Variants in SIMC1 observed in about 807,000 individuals in gnomAD.
SIMC1 encodes the protein SUMO interacting motifs containing 1, also known as SUMO-interacting motif-containing protein 1.
SIMC1 carries 55 observed loss-of-function variants against 82.3 expected under a neutral mutation model. The observed-to-expected ratio is 0.67, with a 90% CI of 0.54 to 0.84. SIMC1 has a LOEUF of 0.84. Among genes scored for constraint, SIMC1 ranks in the 40% least tolerant of loss-of-function variants. SIMC1 has a pLI of 0.00. For missense variants in SIMC1, 915 were observed against 1,107.2 expected, an observed-to-expected ratio of 0.83 and a Z score of 2.46; for synonymous variants, 353 against 426.3, an observed-to-expected ratio of 0.83 and a Z score of 2.12.
At chr5:176,305,984 G>A (rs1764351770) in intron 4 of SIMC1, among the ~76,000 whole-genome samples, 1 of 73,488 alleles carries the variant, frequency 1.4e-5, no homozygotes, top group Non-Finnish European at 3.0e-5. Flanking sequence ...GAGGGAGGTG[G>A]GGGGGTCAGC....
chr5:176,307,671 A>T lies in SIMC1; in HGVS notation c.1735-6020A>T, dbSNP rs116567533. 5.9e-3 allele frequency among the ~76,000 whole-genome samples: 900 copies of T among 152,238 alleles called. 6 individuals carry two copies. Among genetic ancestry groups the T allele is most frequent in the Admixed American group, 9.8e-3 (150 of 15,288 alleles). On this transcript the variant is annotated intron_variant, in intron 4 of 9. Transcript: ENST00000429602. ...TGCCTCGGCCTCCCAAAGTGCTGGGATTACAGGTTGTAAGCCACCACGCCT... is the reference window on the plus strand; with the variant it reads ...TGCCTCGGCCTCCCAAAGTGCTGGGTTTACAGGTTGTAAGCCACCACGCCT...
intron 6 of SIMC1, among the ~76,000 whole-genome samples, chr5:176,323,575 G>A (rs1336076298): frequency 1.3e-5 from 2 of 152,146 alleles, no homozygotes; most frequent in African/African-American, 4.8e-5. Flanking sequence ...GTAACTTGTC[G>A]AAGGTTAAAC....
At chr5:176,325,443 T>TG in intron 7 of SIMC1, among the ~76,000 whole-genome samples, 1 of 151,486 alleles carries the variant, frequency 6.6e-6, no homozygotes, top group Non-Finnish European at 1.5e-5. Context: ...CCCAGCACTT[T>TG]GGGAGACCAA....
chr5:176,274,824 G>A (rs13412076), intron 1 of SIMC1, among the ~76,000 whole-genome samples: 10,471 of 151,182 alleles, frequency 0.069, 1,245 homozygotes, highest in African/African-American at 0.24. Context: ...GTAGATAGGC[G>A]GCATTATTTC....
At chr5:176,304,757 G>C (rs1581279390) in intron 4 of SIMC1, among the ~76,000 whole-genome samples, 1 of 151,458 alleles carries the variant, frequency 6.6e-6, no homozygotes, top group Non-Finnish European at 1.5e-5. Context: ...CCTCTTCCCA[G>C]CCGCCATCCA....
chr5:176,269,749 A>T (rs996566318), intron 1 of SIMC1, among the ~76,000 whole-genome samples: 3 of 150,408 alleles, frequency 2.0e-5, no homozygotes, highest in Non-Finnish European at 4.4e-5. Flanking sequence ...AAACATGCAA[A>T]TTTTTTTTTT....
chr5:176,332,127 T>G (rs7718262), intron 7 of SIMC1, among the ~76,000 whole-genome samples: 112,029 of 152,090 alleles, frequency 0.74, 41,415 homozygotes, highest in Middle Eastern at 0.85. Flanking sequence ...CTCTTTAATA[T>G]AAGTATTGGT....
chr5:176,249,562 C>T (rs1761572162), intron 1 of SIMC1, among the ~76,000 whole-genome samples: 1 of 151,736 alleles, frequency 6.6e-6, no homozygotes, highest in South Asian at 2.1e-4. Context: ...AGCTCCTGGC[C>T]AGACATGGTG....
chr5:176,258,778 TAAATC>T (rs1456299701), intron 1 of SIMC1, among the ~76,000 whole-genome samples: 3 of 151,650 alleles, frequency 2.0e-5, no homozygotes, highest in Non-Finnish European at 2.9e-5. Context: ...ACTTGGGTCT[TAAATC>T]AAGTTCAGCT....
intron 5 of SIMC1, among the ~76,000 whole-genome samples, chr5:176,315,665 T>C (rs563576315): frequency 6.6e-6 from 1 of 152,312 alleles, no homozygotes; most frequent in East Asian, 1.9e-4. Context: ...CAGGTCAACA[T>C]GGGGCAATGA....
chr5:176,345,708 A>C lies in SIMC1; in HGVS notation c.*263A>C. ...CTATACTTTTTTGAAACAGGTTAAT[A>C]CTCTGTGCATCACATGTTTAACATT... On this transcript the variant is annotated 3_prime_UTR_variant, in exon 10 of 10. Transcript: ENST00000429602. The C allele has an allele frequency of 5.1e-6, 1 of 195,472 alleles. No individual in the cohort carries two copies. Among genetic ancestry groups the C allele is most frequent in the Non-Finnish European group, 1.0e-5 (1 of 98,040 alleles). 12.1% of individuals were successfully genotyped at this position (195,472 alleles called of 1,614,324 possible). A position where few individuals can be genotyped will look rare whatever the true frequency, so the allele number is the denominator to read the frequency against.
At chr5:176,269,070 T>C in intron 1 of SIMC1, among the ~76,000 whole-genome samples, 1 of 152,212 alleles carries the variant, frequency 6.6e-6, no homozygotes, top group East Asian at 1.9e-4. Flanking sequence ...TTAAAAATTG[T>C]GGGATGAAGC....
chr5:176,270,423 G>A (rs1476828777), intron 1 of SIMC1: 1 of 152,046 alleles, frequency 6.6e-6, no homozygotes, highest in East Asian at 1.9e-4. Flanking sequence ...AGAGCAAGAT[G>A]GCTGAATAGA....
chr5:176,248,716 C>A (rs1176355820), intron 1 of SIMC1, among the ~76,000 whole-genome samples: 1 of 152,094 alleles, frequency 6.6e-6, no homozygotes, highest in Non-Finnish European at 1.5e-5. Flanking sequence ...AGCTTTTACC[C>A]ATTCAGTATG....
chr5:176,255,721 T>A (rs1301589036), intron 1 of SIMC1, among the ~76,000 whole-genome samples: 4 of 130,816 alleles, frequency 3.1e-5, no homozygotes, highest in Non-Finnish European at 3.2e-5. Flanking sequence ...TGAGTACTCC[T>A]AAAAAAAAAA....
chr5:176,301,318 T>C (rs1285519137), intron 4 of SIMC1, among the ~76,000 whole-genome samples: 2 of 152,168 alleles, frequency 1.3e-5, no homozygotes, highest in East Asian at 3.8e-4. Context: ...CCTACTGACA[T>C]GTAAGATGTG....
intron 1 of SIMC1, among the ~76,000 whole-genome samples, chr5:176,254,684 A>G (rs1313947639): frequency 1.3e-5 from 2 of 150,972 alleles, no homozygotes; most frequent in African/African-American, 4.9e-5. Flanking sequence ...CCTTGAAGCC[A>G]GGCATTATAT....
Position 176,345,198 on chromosome 5 carries a change from C to T in SIMC1, c.2429C>T (p.Ser810Phe). ...CCTCTTGCAGAACACTTAAGGAGTT[C>T]CGTGATCGACCGAAAGGACTTAATA... Reference protein sequence around the residue: ...QHVLREHLRSSVIDRKDLIIK... With the variant: ...QHVLREHLRSFVIDRKDLIIK... The change falls in exon 10 of 10, where the codon TCC becomes TTC. Residue 810 changes from serine to phenylalanine, a missense_variant. By Grantham distance (155) the Ser-to-Phe change is radical. Around this residue, in one of 2 missense-constraint regions of SIMC1, gnomAD observed 902 missense variants for 1,040.3 expected, o/e 0.87. Coordinates refer to ENST00000429602, the MANE Select transcript of SIMC1 (RefSeq NM_001308195.2). 6.2e-7 allele frequency: 1 copy of T among 1,613,856 alleles called. No homozygotes were observed. Among genetic ancestry groups the T allele is most frequent in the Non-Finnish European group, 8.5e-7 (1 of 1,179,824 alleles).
At position 176,322,358 on chromosome 5, in the gene SIMC1, GGAAT is replaced by G; in HGVS notation, c.1976_1979del (p.Gly659AlafsTer2). 1 of 1,604,442 alleles carries G rather than the reference GGAAT, an allele frequency of 6.2e-7. No individual in the cohort carries two copies. Among genetic ancestry groups the G allele is most frequent in the Non-Finnish European group, 8.5e-7 (1 of 1,175,534 alleles). On this transcript the variant is annotated frameshift_variant, in exon 6 of 10. Transcript: ENST00000429602. LOFTEE classifies it high-confidence loss of function. ...TGGAAATCAAACGTCTTCAGGAACA[GGAAT>G]CTTGAAAGCCAGCAGTAGCCACCCT...
Sources: gnomAD v4.1 joint callset for allele counts (sites outside exome capture counted in the v4.1 genomes callset) on GRCh38, gnomAD v4.1.1 for gene constraint, gnomAD v4.1.1 regional missense constraint, MANE v1.5 for transcripts, NCBI Gene and HGNC (gene_info 2026-07-23, HGNC 2026-07-21) for gene names.